BDH1: variants seen among roughly 807,000 people sequenced by gnomAD.
BDH1 encodes 3-hydroxybutyrate dehydrogenase 1, also known as D-beta-hydroxybutyrate dehydrogenase, mitochondrial.
A neutral mutation model predicts 33.1 loss-of-function variants in BDH1; 30 were observed. The ratio of observed to expected loss-of-function variants is 0.91; its 90% CI spans 0.68 to 1.23. The LOEUF (loss-of-function observed/expected upper bound fraction) is 1.23, where lower values mean the gene tolerates loss of function less well. Ranked by LOEUF, BDH1 falls within the 50% of genes most tolerant of loss-of-function variation. The pLI, the probability that BDH1 is intolerant of heterozygous loss-of-function variation, is 0.00. For missense variants in BDH1, 443 were observed against 464.4 expected, an observed-to-expected ratio of 0.95 and a Z score of 0.42; for synonymous variants, 190 against 183.6, an observed-to-expected ratio of 1.03 and a Z score of -0.28.
chr3:197,513,554 G>T (rs920443588), intron 7 of BDH1, among the ~76,000 whole-genome samples: 1 of 152,124 alleles, frequency 6.6e-6, no homozygotes, highest in Non-Finnish European at 1.5e-5. Flanking sequence ...GTGTCCCCGG[G>T]AGGGAACTCA....
intron 4 of BDH1, among the ~76,000 whole-genome samples, chr3:197,532,780 T>C (rs1714790494): frequency 6.6e-6 from 1 of 152,240 alleles, no homozygotes; most frequent in Admixed American, 6.5e-5. Flanking sequence ...CAATCCCCCA[T>C]GCTACATGTG....
chr3:197,530,995 C>T (rs1158492411), intron 5 of BDH1, among the ~76,000 whole-genome samples: 1 of 152,098 alleles, frequency 6.6e-6, no homozygotes, highest in Non-Finnish European at 1.5e-5. Context: ...ATTACATCAA[C>T]AAGAATCAAC....
intron 1 of BDH1, among the ~76,000 whole-genome samples, chr3:197,561,138 C>A (rs1717245755): frequency 6.6e-6 from 1 of 152,122 alleles, no homozygotes; most frequent in African/African-American, 2.4e-5. Context: ...GGGGGGTTCA[C>A]ATTTTGGTAA....
rs1219469228 is a variant in BDH1 at position 197,511,572 on chromosome 3, G to A, written c.*323C>T. 2.9e-6 allele frequency: 1 copy of A among 350,552 alleles called. No homozygotes were observed. The highest frequency in any genetic ancestry group is 5.1e-6 in the Non-Finnish European group (1 of 194,990). The allele number at this position is 350,552 out of a possible 1,614,324, so 21.7% of individuals were successfully genotyped here. A position where few individuals can be genotyped will look rare whatever the true frequency, so the allele number is the denominator to read the frequency against. ...CCTGTCCTTTTCATTCATGAGACTG[G>A]CTTAAGGATCAAATGAGATCTGTTT... On this transcript the variant is annotated 3_prime_UTR_variant, in exon 8 of 8. Coordinates refer to ENST00000392379, the MANE Select transcript of BDH1 (RefSeq NM_203314.3).
intron 5 of BDH1, among the ~76,000 whole-genome samples, chr3:197,527,536 G>A (rs1034736550): frequency 3.9e-5 from 6 of 152,178 alleles, no homozygotes; most frequent in East Asian, 1.9e-4. Context: ...GGGAGCCCCC[G>A]TTCATCTTTC....
chr3:197,564,503 C>A (rs1339092942), intron 1 of BDH1, among the ~76,000 whole-genome samples: 1 of 151,890 alleles, frequency 6.6e-6, no homozygotes, highest in Non-Finnish European at 1.5e-5. Flanking sequence ...AAAAAAGATA[C>A]CAAGTCCTGC....
chr3:197,544,468 A>C (rs1235374117), intron 3 of BDH1, among the ~76,000 whole-genome samples: 1 of 152,360 alleles, frequency 6.6e-6, no homozygotes, highest in Non-Finnish European at 1.5e-5. Flanking sequence ...CTCTATAAAA[A>C]AACTCCAGAA....
In BDH1 at chr3:197,514,266, T is replaced by A. The variant is rs1232016529; in HGVS notation, c.560A>T (p.Lys187Ile). 6.2e-7 allele frequency: 1 copy of A among 1,612,368 alleles called. No homozygotes were observed. The highest frequency in any genetic ancestry group is 1.1e-5 in the South Asian group (1 of 90,830). ...AGGGAGCTCCCTTTCCCACTCACCT[T>A]TGGCCCTTCGGATGAGGGGGAGAAA... ...KSFLPLIRRA[K>I]GRVVNISSML... The change falls in exon 7 of 8, where the codon AAA (lysine) becomes ATA (isoleucine). Residue 187 changes from lysine (K) to isoleucine (I), a missense_variant and splice_region_variant. Lys to Ile is a moderately radical substitution (Grantham distance 102). Transcript: ENST00000392379. This position sits in a 1 kb window ranked among gnomAD's most constrained non-coding sequence, Gnocchi z 4.2.
chr3:197,534,699 T>C (rs1714994413), intron 3 of BDH1, among the ~76,000 whole-genome samples: 1 of 152,210 alleles, frequency 6.6e-6, no homozygotes, highest in Admixed American at 6.5e-5. Flanking sequence ...CCAGTGGCAG[T>C]GTCTGAACAA....
chr3:197,511,915 C>G lies in BDH1; in HGVS notation c.1012G>C (p.Asp338His). Reference sequence around the variant, plus strand: ...ACTCTTCAGCGGATGTAGATCATGTCGGAGATGGCTCCAGGCAAGTGGGTC... The same window carrying G: ...ACTCTTCAGCGGATGTAGATCATGTGGGAGATGGCTCCAGGCAAGTGGGTC... Reference protein sequence around the residue: ...IMTHLPGAISDMIYIR With the variant: ...IMTHLPGAISHMIYIR The change falls in exon 8 of 8, where the codon GAC (aspartate) becomes CAC (histidine). Residue 338 changes from aspartate (D) to histidine (H), a missense_variant. Physicochemically the swap from Asp to His is moderately conservative, Grantham distance 81 (BLOSUM62 -1). Coordinates refer to ENST00000392379, the MANE Select transcript of BDH1 (RefSeq NM_203314.3). The G allele has an allele frequency of 6.4e-7, 1 of 1,566,128 alleles. No individual in the cohort carries two copies. The highest frequency in any genetic ancestry group is 8.7e-7 in the Non-Finnish European group (1 of 1,153,032).
At chr3:197,561,510 G>A (rs1293370207) in intron 1 of BDH1, among the ~76,000 whole-genome samples, 1 of 151,780 alleles carries the variant, frequency 6.6e-6, no homozygotes, top group Non-Finnish European at 1.5e-5. Context: ...GCAGTCTTCA[G>A]CCTGAGACCC....
At position 197,520,309 on chromosome 3, in the gene BDH1, C is replaced by A. The variant is rs1263622742; in HGVS notation, c.409+2331G>T. Among the ~76,000 whole-genome samples the A allele has an allele frequency of 3.3e-5, 5 of 151,854 alleles. No homozygotes were observed. In the East Asian group the frequency reaches 9.6e-4, roughly 29 times the overall value. On this transcript the variant is annotated intron_variant, in intron 6 of 7. Transcript: ENST00000392379. The surrounding 1 kb of genome is among the most constrained non-coding windows in gnomAD (Gnocchi z 6.0). ...TTTCCAAAAAAAAAAAATGCAGTAT[C>A]GGTTAAGGAAGTTGATGGTGAGAGG...
At chr3:197,569,959 GA>G (rs138295629) in intron 1 of BDH1, among the ~76,000 whole-genome samples, 29,249 of 152,118 alleles carry the variant, frequency 0.19, 3,930 homozygotes, top group African/African-American at 0.38. Flanking sequence ...AAGAAGACAG[GA>G]AAAATGTGAA....
At chr3:197,568,489 T>C (rs1214503080) in intron 1 of BDH1, among the ~76,000 whole-genome samples, 3 of 152,122 alleles carry the variant, frequency 2.0e-5, no homozygotes, top group Non-Finnish European at 4.4e-5. Context: ...ACTGTAATGC[T>C]GAAATCTGTG....
chr3:197,543,307 C>T (rs1220352431), intron 3 of BDH1: 3 of 410,034 alleles, frequency 7.3e-6, no homozygotes, highest in African/African-American at 6.6e-5. Context: ...CCAAAAGAAG[C>T]TATGTGAGCC....
At chr3:197,565,934 C>A (rs547299629) in intron 1 of BDH1, among the ~76,000 whole-genome samples, 1 of 152,184 alleles carries the variant, frequency 6.6e-6, no homozygotes, top group Non-Finnish European at 1.5e-5. Context: ...AAGCTAACTG[C>A]GTGAGCTGAT....
At chr3:197,545,411 C>T (rs1290105799) in intron 3 of BDH1, among the ~76,000 whole-genome samples, 2 of 152,212 alleles carry the variant, frequency 1.3e-5, no homozygotes, top group Non-Finnish European at 2.9e-5. Context: ...AATAATGTAC[C>T]TCCTGGCACG....
intron 3 of BDH1, among the ~76,000 whole-genome samples, chr3:197,537,807 G>A (rs1715285952): frequency 6.6e-6 from 1 of 152,224 alleles, no homozygotes; most frequent in Non-Finnish European, 1.5e-5. Context: ...TTTGGTGGAT[G>A]AGATTAATTT....
chr3:197,565,141 C>G (rs1717394019), intron 1 of BDH1, among the ~76,000 whole-genome samples: 1 of 152,178 alleles, frequency 6.6e-6, no homozygotes, highest in Non-Finnish European at 1.5e-5. Flanking sequence ...AGGCTGGTCT[C>G]AAACTCCCAA....
Sources: gnomAD v4.1 joint callset for allele counts (sites outside exome capture counted in the v4.1 genomes callset) on GRCh38, gnomAD v4.1.1 for gene constraint, Gnocchi (gnomAD v3.1) non-coding constraint, MANE v1.5 for transcripts, NCBI Gene and HGNC (gene_info 2026-07-23, HGNC 2026-07-21) for gene names.